The following CSMD1 variants were observed in gnomAD, a reference collection of about 807,000 sequenced individuals.
The protein encoded by CSMD1 is CUB and Sushi multiple domains 1.
A neutral mutation model predicts 417.5 loss-of-function variants in CSMD1; 213 were observed. That is an observed-to-expected ratio of 0.51 (90% CI 0.46 to 0.57). The LOEUF is 0.57. CSMD1 is among the 20% of genes least tolerant of loss of function. The pLI, the probability that CSMD1 is intolerant of heterozygous loss-of-function variation, is 0.00. For synonymous variants in CSMD1, 2,862 were observed against 1,736.8 expected (o/e 1.65, Z -16.11); for missense variants, 6,923 against 4,529.7 (o/e 1.53, Z -15.17).
chr8:3,566,409 G>A (rs995926892), intron 10 of CSMD1, among the ~76,000 whole-genome samples: 1 of 152,056 alleles, frequency 6.6e-6, no homozygotes, highest in African/African-American at 2.4e-5. Context: ...AGGACATACA[G>A]CCATCCCTTC....
At chr8:3,488,788 G>C (rs1818203510) in intron 11 of CSMD1, among the ~76,000 whole-genome samples, 1 of 152,180 alleles carries the variant, frequency 6.6e-6, no homozygotes, top group African/African-American at 2.4e-5. Flanking sequence ...TGTCTATACT[G>C]TCACTGGCAT....
intron 1 of CSMD1, among the ~76,000 whole-genome samples, chr8:4,697,276 C>A (rs1388816372): frequency 6.6e-6 from 1 of 152,070 alleles, no homozygotes; most frequent in African/African-American, 2.4e-5. Context: ...TATAGCAAGA[C>A]AAGATGAAAA....
In CSMD1 at chr8:4,040,621, G is replaced by A. The variant is rs114574943; in HGVS notation, c.416-8522C>T. Reference sequence around the variant, plus strand: ...TATATGGATTGGGGAGACTTACGATGTTTTCTTAGGTAGAATGGAGGGCAC... The same window carrying A: ...TATATGGATTGGGGAGACTTACGATATTTTCTTAGGTAGAATGGAGGGCAC... On this transcript the variant is annotated intron_variant, in intron 3 of 69. Transcript: ENST00000635120. Among the ~76,000 whole-genome samples, 1,054 of 152,272 alleles carry A rather than the reference G, an allele frequency of 6.9e-3. 10 individuals carry two copies. The highest frequency in any genetic ancestry group is 0.016 in the African/African-American group (676 of 41,568).
At chr8:4,551,558 G>A (rs1344279291) in intron 2 of CSMD1, among the ~76,000 whole-genome samples, 1 of 152,126 alleles carries the variant, frequency 6.6e-6, no homozygotes, top group Non-Finnish European at 1.5e-5. Flanking sequence ...CTGACTCTCT[G>A]CAGGTTCCAG....
chr8:4,429,704 C>T (rs6996195), intron 2 of CSMD1, among the ~76,000 whole-genome samples: 2,931 of 152,186 alleles, frequency 0.019, 110 homozygotes, highest in African/African-American at 0.066. Flanking sequence ...AGAACAGGAG[C>T]TCCATGAGGG....
At chr8:4,903,305 G>A (rs114848052) in intron 1 of CSMD1, among the ~76,000 whole-genome samples, 98 of 152,204 alleles carry the variant, frequency 6.4e-4, no homozygotes, top group Non-Finnish European at 1.2e-3. Flanking sequence ...TTTCCATTTA[G>A]CAATTGCTTT....
intron 3 of CSMD1, among the ~76,000 whole-genome samples, chr8:4,363,750 T>C (rs531886394): frequency 6.6e-6 from 1 of 152,324 alleles, no homozygotes; most frequent in African/African-American, 2.4e-5. Context: ...AGACAGGATC[T>C]CATTTTTCAT....
chr8:4,209,141 A>G (rs1341407050), intron 3 of CSMD1, among the ~76,000 whole-genome samples: 3 of 152,174 alleles, frequency 2.0e-5, no homozygotes, highest in African/African-American at 7.2e-5. Flanking sequence ...ATTTCTATCT[A>G]AAACCAAAAT....
At chr8:3,411,966 G>GTATA (rs368732338) in intron 12 of CSMD1, among the ~76,000 whole-genome samples, 2 of 3,260 alleles carry the variant, frequency 6.1e-4, no homozygotes, top group Admixed American at 4.2e-3. Context: ...ACGTATATAT[G>GTATA]CACGTATATA....
At chr8:3,401,981 T>C (rs1253118856) in intron 15 of CSMD1, among the ~76,000 whole-genome samples, 2 of 152,084 alleles carry the variant, frequency 1.3e-5, no homozygotes, top group Non-Finnish European at 2.9e-5. Flanking sequence ...TGATTTAAAT[T>C]ACAGTGATGA....
At chr8:3,295,699 G>T (rs140889783) in intron 25 of CSMD1, among the ~76,000 whole-genome samples, 198 of 152,176 alleles carry the variant, frequency 1.3e-3, no homozygotes, top group African/African-American at 4.4e-3. Context: ...TGTATGTATT[G>T]CCCTTGTTTT....
chr8:4,271,621 C>A lies in CSMD1; in HGVS notation c.415+148332G>T, dbSNP rs561489100. On this transcript the variant is annotated intron_variant, in intron 3 of 69. Coordinates refer to ENST00000635120, the MANE Select transcript of CSMD1 (RefSeq NM_033225.6). ...AGGTGCCTGAGAATTAGCTCTTTTG[C>A]AGCAGCTTTAAAGAAAGGAAAAGAA... 8.6e-5 allele frequency among the ~76,000 whole-genome samples: 13 copies of A among 151,216 alleles called. No individual in the cohort carries two copies. The South Asian group carries it at 2.5e-3, about 29-fold the overall frequency.
intron 4 of CSMD1, among the ~76,000 whole-genome samples, chr8:4,013,433 G>T (rs541360465): frequency 6.6e-6 from 1 of 152,074 alleles, no homozygotes; most frequent in Non-Finnish European, 1.5e-5. Context: ...CAAATATTCC[G>T]GTTTTCTACT....
At chr8:4,235,075 C>T (rs1036151436) in intron 3 of CSMD1, among the ~76,000 whole-genome samples, 1 of 152,090 alleles carries the variant, frequency 6.6e-6, no homozygotes, top group Non-Finnish European at 1.5e-5. Context: ...CCATAGGAGT[C>T]CCTTTCCAGG....
chr8:3,282,586 T>A lies in CSMD1; in HGVS notation c.4153+1558A>T, dbSNP rs555976890. Reference sequence around the variant, plus strand: ...TGATATAATTTTGGAGTAAAGGACTTTTTTTCCCCCAAGGCAGGATAGTTG... The same window carrying A: ...TGATATAATTTTGGAGTAAAGGACTATTTTTCCCCCAAGGCAGGATAGTTG... On this transcript the variant is annotated intron_variant, in intron 26 of 69. Coordinates refer to ENST00000635120, the MANE Select transcript of CSMD1 (RefSeq NM_033225.6). Among the ~76,000 whole-genome samples, 120 of 152,210 alleles carry A rather than the reference T, an allele frequency of 7.9e-4. 1 individual carries two copies. In the Middle Eastern group the frequency reaches 0.02, roughly 26 times the overall value.
chr8:4,512,743 A>G (rs10107477), intron 2 of CSMD1, among the ~76,000 whole-genome samples: 35,960 of 151,824 alleles, frequency 0.24, 4,833 homozygotes, highest in South Asian at 0.32. Flanking sequence ...TACATACAAA[A>G]TGTATATGAA....
intron 3 of CSMD1, among the ~76,000 whole-genome samples, chr8:4,273,193 G>T (rs1804710855): frequency 6.6e-6 from 1 of 152,050 alleles, no homozygotes. Context: ...TCATTTGTAA[G>T]AAGAATATAC....
At position 4,212,748 on chromosome 8, in the gene CSMD1, A is replaced by ATTTT. The variant is rs1233118651; in HGVS notation, c.416-180650_416-180649insAAAA. On this transcript the variant is annotated intron_variant, in intron 3 of 69. Coordinates refer to ENST00000635120, the MANE Select transcript of CSMD1 (RefSeq NM_033225.6). ...GTGAAAAGTTTACAACAGCGGCCTT[A>ATTTT]TTCTTTTTTTTTTTTTTTTTTTTTT... Among the ~76,000 whole-genome samples the ATTTT allele has an allele frequency of 1.2e-3, 119 of 101,886 alleles. 4 individuals are homozygous for ATTTT. Among genetic ancestry groups the ATTTT allele is most frequent in the African/African-American group, 6.0e-3 (115 of 19,040 alleles). 66.8% of individuals were successfully genotyped at this position (101,886 alleles called of 152,430 possible). A position where few individuals can be genotyped will look rare whatever the true frequency, so the allele number is the denominator to read the frequency against.
intron 1 of CSMD1, among the ~76,000 whole-genome samples, chr8:4,982,579 T>C (rs1810955893): frequency 6.6e-6 from 1 of 152,242 alleles, no homozygotes; most frequent in Admixed American, 6.5e-5. Flanking sequence ...TACTTCTTTC[T>C]TTCTCATAGG....
Sources: gnomAD v4.1 joint callset for allele counts (sites outside exome capture counted in the v4.1 genomes callset) on GRCh38, gnomAD v4.1.1 for gene constraint, MANE v1.5 for transcripts, NCBI Gene and HGNC (gene_info 2026-07-23, HGNC 2026-07-21) for gene names.